Variants in TMEM8B observed in about 807,000 individuals in gnomAD.
TMEM8B encodes nasopharyngeal carcinoma expressed 6.
Under a neutral mutation model 49.3 loss-of-function variants are expected in TMEM8B, and 29 were observed. That is an observed-to-expected ratio of 0.59 (90% CI 0.44 to 0.80). The LOEUF is 0.80. TMEM8B is among the 30% of genes least tolerant of loss of function. The probability of loss-of-function intolerance (pLI) is 0.00; values close to 1 mark genes in which losing one functional copy is unlikely to be tolerated. For synonymous variants in TMEM8B, 264 were observed against 272.8 expected (o/e 0.97, Z 0.32); for missense variants, 575 against 658.5 (o/e 0.87, Z 1.39).
intron 6 of TMEM8B, 56 bp from the exon 7 acceptor site, chr9:35,845,919 G>C (rs573843701): frequency 5.6e-6 from 9 of 1,609,454 alleles, no homozygotes; most frequent in East Asian, 4.5e-5. Context: ...TCTGAGGGTG[G>C]CGGTGGGTGG....
chr9:35,847,574 AG>A (rs1489031193), intron 10 of TMEM8B, among the ~76,000 whole-genome samples: 1 of 152,164 alleles, frequency 6.6e-6, no homozygotes, highest in Admixed American at 6.5e-5. Flanking sequence ...GGAAAGATAG[AG>A]GGGATCTCTC....
Position 35,842,135 on chromosome 9 carries a change from T to C in TMEM8B, c.1310-257T>C, listed in dbSNP as rs1831070222. 6.6e-6 allele frequency among the ~76,000 whole-genome samples: 1 copy of C among 152,204 alleles called. No homozygotes were observed. The highest frequency in any genetic ancestry group is 1.9e-4 in the East Asian group (1 of 5,206). ...CAGTGAGACAGCCTCTCATACTTAG[T>C]ATCTGTTTCAATAGTGTCTTCAATG... On this transcript the variant is annotated intron_variant, in intron 5 of 12. Coordinates refer to ENST00000643932, the MANE Select transcript of TMEM8B (RefSeq NM_001042590.4). This position sits in a 1 kb window ranked among gnomAD's most constrained non-coding sequence, Gnocchi z 5.6.
chr9:35,851,230 C>T (rs1003976364), intron 10 of TMEM8B, among the ~76,000 whole-genome samples: 1 of 152,054 alleles, frequency 6.6e-6, no homozygotes, highest in Non-Finnish European at 1.5e-5. Flanking sequence ...ACCTCAGCCC[C>T]TTCTGCCCCC....
At position 35,862,098 on chromosome 9, in the gene TMEM8B, TC is replaced by T. The variant is rs1411694781; in HGVS notation, c.*8259del. 6.6e-6 allele frequency: 1 copy of T among 152,238 alleles called. No individual in the cohort carries two copies. The highest frequency in any genetic ancestry group is 1.9e-4 in the East Asian group (1 of 5,196). The allele number at this position is 152,238 out of a possible 1,614,324, so 9.4% of individuals were successfully genotyped here. A position where few individuals can be genotyped will look rare whatever the true frequency, so the allele number is the denominator to read the frequency against. ...TCCCCAAGTGTGAAGCCTCATTCATTCACTTATTCAACAAATAGTTATTGAG... is the reference window on the plus strand; with the variant it reads ...TCCCCAAGTGTGAAGCCTCATTCATTACTTATTCAACAAATAGTTATTGAG... On this transcript the variant is annotated 3_prime_UTR_variant, in exon 13 of 13. Coordinates refer to ENST00000643932, the MANE Select transcript of TMEM8B (RefSeq NM_001042590.4).
chr9:35,841,439 T>C lies in TMEM8B; in HGVS notation c.1041-87T>C. ...CTGAACAGGCCTCCTTCCCACCCTA[T>C]GCCCCCTCCTTCCTAGTGCTTCCCT... On this transcript the variant is annotated intron_variant, in intron 4 of 12. Transcript: ENST00000643932. The surrounding 1 kb of genome is among the most constrained non-coding windows in gnomAD (Gnocchi z 5.9). 1 of 411,448 alleles carries C rather than the reference T, an allele frequency of 2.4e-6. No homozygotes were observed. Among genetic ancestry groups the C allele is most frequent in the Non-Finnish European group, 4.4e-6 (1 of 226,922 alleles). 25.5% of individuals were successfully genotyped at this position (411,448 alleles called of 1,614,324 possible).
At chr9:35,848,959 C>T (rs1831892471) in intron 10 of TMEM8B, among the ~76,000 whole-genome samples, 1 of 152,146 alleles carries the variant, frequency 6.6e-6, no homozygotes, top group Non-Finnish European at 1.5e-5. Context: ...TGGTGTGAGC[C>T]ACTGCGCCGG....
In TMEM8B at chr9:35,846,384, G is replaced by A; in HGVS notation, c.1853+3G>A. 6.2e-7 allele frequency: 1 copy of A among 1,611,738 alleles called. No homozygotes were observed. Among genetic ancestry groups the A allele is most frequent in the Non-Finnish European group, 8.5e-7 (1 of 1,179,206 alleles). On this transcript the variant is annotated splice_donor_region_variant and intron_variant, in intron 8 of 12. Coordinates refer to ENST00000643932, the MANE Select transcript of TMEM8B (RefSeq NM_001042590.4). Reference sequence around the variant, plus strand: ...TCCCTGTGCGGGGTGGGGCCTCGGTGAGCGGTGCGGGGCGGGGCCAGGGCT... The same window carrying A: ...TCCCTGTGCGGGGTGGGGCCTCGGTAAGCGGTGCGGGGCGGGGCCAGGGCT...
intron 10 of TMEM8B, chr9:35,847,318 T>C (rs777070804): frequency 4.6e-5 from 30 of 656,982 alleles, no homozygotes; most frequent in Non-Finnish European, 7.3e-5. Flanking sequence ...AAAGTATGGA[T>C]TTGTGTCTGC....
chr9:35,831,083 T>A (rs930280804), intron 1 of TMEM8B, among the ~76,000 whole-genome samples: 2 of 152,178 alleles, frequency 1.3e-5, no homozygotes, highest in African/African-American at 4.8e-5. Context: ...TCTGGGGGCC[T>A]GGTTCAGTGT....
In TMEM8B at chr9:35,860,299, A is replaced by G. The variant is rs1832627753; in HGVS notation, c.*6459A>G. On this transcript the variant is annotated 3_prime_UTR_variant, in exon 13 of 13. Transcript: ENST00000643932. ...GTTTAAAATGATCGTTTGGAATCCA[A>G]AGTGTTTTTGGTCATTAACAGGAAG... is the stretch of plus-strand genomic sequence containing the variant. 6.6e-6 allele frequency: 1 copy of G among 152,238 alleles called. No individual in the cohort carries two copies. The highest frequency in any genetic ancestry group is 1.5e-5 in the Non-Finnish European group (1 of 68,042). The allele number at this position is 152,238 out of a possible 1,614,324, so 9.4% of individuals were successfully genotyped here.
At chr9:35,834,101 G>T (rs953277900) in intron 1 of TMEM8B, among the ~76,000 whole-genome samples, 2 of 150,662 alleles carry the variant, frequency 1.3e-5, no homozygotes, top group Non-Finnish European at 3.0e-5. Context: ...TTTAGGTTTG[G>T]TAAGTGGAGA....
Position 35,853,914 on chromosome 9 carries a change from TAGAAGG to T in TMEM8B, c.*78_*83del. The T allele has an allele frequency of 6.8e-7, 1 of 1,464,836 alleles. No individual in the cohort carries two copies. The highest frequency in any genetic ancestry group is 9.0e-7 in the Non-Finnish European group (1 of 1,113,598). 90.7% of individuals were successfully genotyped at this position (1,464,836 alleles called of 1,614,324 possible). Reference sequence around the variant, plus strand: ...TCTTTCTGGGGGTGTGGAGCCCTCTTAGAAGGAGACAGGCTGTATTTCTTGAGGACA... The same window carrying T: ...TCTTTCTGGGGGTGTGGAGCCCTCTTAGACAGGCTGTATTTCTTGAGGACA... On this transcript the variant is annotated 3_prime_UTR_variant, in exon 13 of 13. Transcript: ENST00000643932. The surrounding 1 kb of genome is among the most constrained non-coding windows in gnomAD (Gnocchi z 4.2).
chr9:35,847,356 C>T, intron 10 of TMEM8B: 1 of 601,580 alleles, frequency 1.7e-6, no homozygotes, highest in Non-Finnish European at 3.0e-6. Context: ...TGTATGGGGG[C>T]AGGAAATCTA....
At chr9:35,843,522 G>A (rs539416520) in intron 6 of TMEM8B, among the ~76,000 whole-genome samples, 1 of 152,194 alleles carries the variant, frequency 6.6e-6, no homozygotes, top group South Asian at 2.1e-4. Context: ...TGGTCGGACC[G>A]GGGTACCAGG....
rs753020688 is a variant in TMEM8B, at chr9:35,862,386, A to G, written c.*8546A>G. On this transcript the variant is annotated 3_prime_UTR_variant, in exon 13 of 13. Transcript: ENST00000643932. ...TGTTGCTGCAGACAGAACTATGTCCATCTCAAATTCTGACACTGGACACAG... is the reference window on the plus strand; with the variant it reads ...TGTTGCTGCAGACAGAACTATGTCCGTCTCAAATTCTGACACTGGACACAG... 1 of 152,242 alleles carries G rather than the reference A, an allele frequency of 6.6e-6. No homozygotes were observed. Among genetic ancestry groups the G allele is most frequent in the Non-Finnish European group, 1.5e-5 (1 of 68,050 alleles). The allele number at this position is 152,242 out of a possible 1,614,324, so 9.4% of individuals were successfully genotyped here.
rs372966773 is a variant in TMEM8B at position 35,853,173 on chromosome 9, C to T, written c.2355C>T (p.Ser785=). The stretch of plus-strand genomic sequence containing the variant: ...ATTTGCTGGGAGCTATGCTGCTGTC[C>T]ATGGCTCTGCAGCTTGACCGACATG... ...VLYLLGAMLL[S]MALQLDRHGL... is the part of the protein sequence containing the mutation. The change falls in exon 12 of 13, where the codon TCC becomes TCT. Residue 785 remains serine (S), a synonymous_variant. Coordinates refer to ENST00000643932, the MANE Select transcript of TMEM8B (RefSeq NM_001042590.4). This position sits in a 1 kb window ranked among gnomAD's most constrained non-coding sequence, Gnocchi z 4.2. 12 of 1,614,182 alleles carry T rather than the reference C, an allele frequency of 7.4e-6. No individual in the cohort carries two copies. The African/African-American group carries it at 1.6e-4, about 22-fold the overall frequency.
At chr9:35,847,314 T>G in intron 10 of TMEM8B, 1 of 668,544 alleles carries the variant, frequency 1.5e-6, no homozygotes, top group Non-Finnish European at 2.6e-6. Context: ...GCCTAAAGTA[T>G]GGATTTGTGT....
At chr9:35,840,317 T>A (rs1270739386) in intron 3 of TMEM8B, among the ~76,000 whole-genome samples, 1 of 151,948 alleles carries the variant, frequency 6.6e-6, no homozygotes, top group Non-Finnish European at 1.5e-5. Context: ...GAAGGCAGAG[T>A]TGGGGCAGGG....
intron 10 of TMEM8B, 85 bp downstream of exon 10, chr9:35,847,080 G>A: frequency 6.2e-7 from 1 of 1,614,184 alleles, no homozygotes. Context: ...GTTCTCCGAG[G>A]GTTTGGGAAT....
Sources: allele counts gnomAD v4.1 joint callset (sites outside exome capture counted in the v4.1 genomes callset), GRCh38; gene constraint gnomAD v4.1.1; non-coding constraint Gnocchi (gnomAD v3.1); transcripts MANE v1.5; gene names NCBI Gene and HGNC (gene_info 2026-07-23, HGNC 2026-07-21).